DLG2: variants seen among roughly 807,000 people sequenced by gnomAD.
DLG2 encodes disks large homolog 2.
Under a neutral mutation model 132.5 loss-of-function variants are expected in DLG2, and 45 were observed. The ratio of observed to expected loss-of-function variants is 0.34; its 90% CI spans 0.27 to 0.44. The LOEUF (loss-of-function observed/expected upper bound fraction) is 0.44, where lower values mean the gene tolerates loss of function less well. Among genes scored for constraint, DLG2 ranks in the 20% least tolerant of loss-of-function variants. DLG2 has a pLI of 1.00. For missense variants in DLG2, 1,045 were observed against 1,196.9 expected, an observed-to-expected ratio of 0.87 and a Z score of 1.87; for synonymous variants, 424 against 419.6, an observed-to-expected ratio of 1.01 and a Z score of -0.13.
chr11:83,506,207 C>T (rs1190627831), intron 21 of DLG2, among the ~76,000 whole-genome samples: 1 of 152,122 alleles, frequency 6.6e-6, no homozygotes, highest in Non-Finnish European at 1.5e-5. Context: ...TCACAGTGGG[C>T]CATCTTTTAA....
intron 6 of DLG2, among the ~76,000 whole-genome samples, chr11:84,790,401 A>G (rs899278180): frequency 6.6e-6 from 1 of 152,096 alleles, no homozygotes; most frequent in Non-Finnish European, 1.5e-5. Flanking sequence ...AGAAATGTCT[A>G]TTCAAATCTT....
intron 6 of DLG2, among the ~76,000 whole-genome samples, chr11:84,747,379 T>G (rs1211741845): frequency 1.3e-5 from 2 of 152,186 alleles, no homozygotes; most frequent in African/African-American, 4.8e-5. Context: ...ATGATGGAAC[T>G]AAATTTCAGC....
chr11:85,175,830 G>A lies in DLG2; in HGVS notation c.187-21179C>T, dbSNP rs538557834. Among the ~76,000 whole-genome samples the A allele has an allele frequency of 5.3e-5, 8 of 152,180 alleles. No homozygotes were observed. The East Asian group carries it at 1.5e-3, about 29-fold the overall frequency. On this transcript the variant is annotated intron_variant, in intron 4 of 27. Coordinates refer to ENST00000376104, the MANE Select transcript of DLG2 (RefSeq NM_001142699.3). ...CCTATACACTAACAATAGGCAAGCA[G>A]AGAGCCAAATCATGAATGAATTCCC...
intron 8 of DLG2, among the ~76,000 whole-genome samples, chr11:84,216,143 C>T (rs1459687784): frequency 6.6e-6 from 1 of 152,100 alleles, no homozygotes; most frequent in East Asian, 1.9e-4. Flanking sequence ...TCTAAGCTCA[C>T]TGGTTGAAGT....
rs1425621543 is a variant in DLG2 at position 83,464,980 on chromosome 11, AATTCACTTTGTGCAATGCCCGACATAGT to A, written c.2729+1700_2729+1727del. On this transcript the variant is annotated intron_variant, in intron 26 of 27. Transcript: ENST00000376104. ...TACATCATGAAATTTGTACTTGCTT[AATTCACTTTGTGCAATGCCCGACATAGT>A]ATCCTATACAAGGAGAAATTTAATA... Among the ~76,000 whole-genome samples the A allele has an allele frequency of 3.3e-5, 5 of 152,324 alleles. No homozygotes were observed. The East Asian group carries it at 9.6e-4, about 29-fold the overall frequency.
intron 6 of DLG2, among the ~76,000 whole-genome samples, chr11:84,837,498 G>A (rs1051331761): frequency 6.6e-6 from 1 of 151,724 alleles, no homozygotes; most frequent in Non-Finnish European, 1.5e-5. Flanking sequence ...GTACGAAGTA[G>A]CTCCCTATTA....
At chr11:84,383,138 C>A (rs980285108) in intron 7 of DLG2, among the ~76,000 whole-genome samples, 1 of 151,908 alleles carries the variant, frequency 6.6e-6, no homozygotes, top group African/African-American at 2.4e-5. Flanking sequence ...GATCTGACCC[C>A]GACTTACCTT....
chr11:83,605,788 G>A (rs537183938), intron 19 of DLG2, among the ~76,000 whole-genome samples: 3 of 152,308 alleles, frequency 2.0e-5, no homozygotes, highest in East Asian at 3.9e-4. Context: ...AGTACTTGCA[G>A]TGTTCCACTA....
At chr11:85,367,925 T>C (rs140349901) in intron 3 of DLG2, among the ~76,000 whole-genome samples, 1 of 152,326 alleles carries the variant, frequency 6.6e-6, no homozygotes, top group African/African-American at 2.4e-5. Flanking sequence ...ATTAGTTCTC[T>C]TATTAGTATT....
At chr11:84,072,378 C>G (rs745647972) in intron 10 of DLG2, among the ~76,000 whole-genome samples, 3 of 152,198 alleles carry the variant, frequency 2.0e-5, no homozygotes, top group Non-Finnish European at 4.4e-5. Context: ...AAGACAAATG[C>G]ATATCCTGAA....
chr11:85,569,099 T>C (rs1046492241), intron 3 of DLG2, among the ~76,000 whole-genome samples: 1 of 152,240 alleles, frequency 6.6e-6, no homozygotes. Flanking sequence ...TGGTGTGATC[T>C]CAGCTCACTG....
chr11:83,979,610 TC>T (rs1279051939), intron 12 of DLG2, among the ~76,000 whole-genome samples: 3 of 152,184 alleles, frequency 2.0e-5, no homozygotes, highest in African/African-American at 7.2e-5. Context: ...TGTGTCAATG[TC>T]AATCACTGCC....
At chr11:85,310,031 G>T (rs2080214722) in intron 3 of DLG2, among the ~76,000 whole-genome samples, 1 of 152,080 alleles carries the variant, frequency 6.6e-6, no homozygotes, top group South Asian at 2.1e-4. Context: ...CCATCCAATT[G>T]GTTTGAAGGG....
At chr11:84,597,189 CA>C (rs1186659002) in intron 6 of DLG2, among the ~76,000 whole-genome samples, 1 of 151,752 alleles carries the variant, frequency 6.6e-6, no homozygotes, top group African/African-American at 2.4e-5. Context: ...CACTGCACTC[CA>C]GCCTGGATGA....
intron 16 of DLG2, among the ~76,000 whole-genome samples, chr11:83,863,615 G>C (rs998624022): frequency 6.6e-6 from 1 of 152,002 alleles, no homozygotes; most frequent in African/African-American, 2.4e-5. Flanking sequence ...TGTATCTACT[G>C]TTTGTTAAGT....
At chr11:83,717,886 A>G (rs1337671208) in intron 18 of DLG2, among the ~76,000 whole-genome samples, 2 of 152,178 alleles carry the variant, frequency 1.3e-5, no homozygotes, top group Non-Finnish European at 2.9e-5. Flanking sequence ...TCAAAGACAG[A>G]TCCTTTGGGT....
At chr11:83,806,605 G>A (rs2045969212) in intron 17 of DLG2, among the ~76,000 whole-genome samples, 1 of 152,070 alleles carries the variant, frequency 6.6e-6, no homozygotes, top group African/African-American at 2.4e-5. Flanking sequence ...TCAATAACTA[G>A]ACTGTAAGCC....
intron 7 of DLG2, among the ~76,000 whole-genome samples, chr11:84,319,481 G>A (rs542512499): frequency 1.3e-5 from 2 of 152,260 alleles, no homozygotes; most frequent in East Asian, 3.9e-4. Flanking sequence ...GGCATCTTCA[G>A]GGAACACATG....
intron 4 of DLG2, among the ~76,000 whole-genome samples, chr11:85,197,650 G>C (rs2081168081): frequency 6.6e-6 from 1 of 152,162 alleles, no homozygotes; most frequent in Non-Finnish European, 1.5e-5. Context: ...CATAGTCACA[G>C]ATATGAGGAG....
Sources: gnomAD v4.1 joint callset for allele counts (sites outside exome capture counted in the v4.1 genomes callset) on GRCh38, gnomAD v4.1.1 for gene constraint, MANE v1.5 for transcripts, NCBI Gene and HGNC (gene_info 2026-07-23, HGNC 2026-07-21) for gene names.